TEKT5: variants seen among roughly 807,000 people sequenced by gnomAD.
TEKT5 encodes the protein tektin-5.
Under a neutral mutation model 48.7 loss-of-function variants are expected in TEKT5, and 52 were observed. The ratio of observed to expected loss-of-function variants is 1.07; its 90% CI spans 0.86 to 1.35. The LOEUF is 1.35. Ranked by LOEUF, TEKT5 falls within the 40% of genes most tolerant of loss-of-function variation. The pLI is 0.00. For synonymous variants in TEKT5, 318 were observed against 267.6 expected, an observed-to-expected ratio of 1.19 and a Z score of -1.84; for missense variants, 831 against 641.6, an observed-to-expected ratio of 1.30 and a Z score of -3.19.
chr16:10,659,521 A>G (rs1445149526), intron 5 of TEKT5, among the ~76,000 whole-genome samples: 1 of 152,120 alleles, frequency 6.6e-6, no homozygotes, highest in Non-Finnish European at 1.5e-5. Flanking sequence ...CTGGGACTAC[A>G]GGTGCCCACC....
intron 5 of TEKT5, among the ~76,000 whole-genome samples, chr16:10,654,493 T>C (rs903540223): frequency 6.6e-6 from 1 of 152,172 alleles, no homozygotes; most frequent in Non-Finnish European, 1.5e-5. Flanking sequence ...AACGTTTGAA[T>C]TGATGAACTC....
At chr16:10,649,572 C>T (rs1898121098) in intron 5 of TEKT5, among the ~76,000 whole-genome samples, 1 of 151,604 alleles carries the variant, frequency 6.6e-6, no homozygotes, top group African/African-American at 2.4e-5. Context: ...GTAGCTAGGA[C>T]TACAGACGTA....
Position 10,627,571 on chromosome 16 carries a change from C to A in TEKT5, c.*12G>T, listed in dbSNP as rs767887116. On this transcript the variant is annotated 3_prime_UTR_variant, in exon 7 of 7. Coordinates refer to ENST00000283025, the MANE Select transcript of TEKT5 (RefSeq NM_144674.2). Reference sequence around the variant, plus strand: ...TTTTACGCCAGCGCGGAATGAGGCGCCAGGGCGGTGCTCAGGTGTGGCCCA... The same window carrying A: ...TTTTACGCCAGCGCGGAATGAGGCGACAGGGCGGTGCTCAGGTGTGGCCCA... 6 of 1,613,672 alleles carry A rather than the reference C, an allele frequency of 3.7e-6. No homozygotes were observed. Among genetic ancestry groups the A allele is most frequent in the South Asian group, 2.2e-5 (2 of 91,078 alleles).
chr16:10,672,172 G>C (rs556621271), intron 5 of TEKT5, among the ~76,000 whole-genome samples: 1 of 151,956 alleles, frequency 6.6e-6, no homozygotes, highest in South Asian at 2.1e-4. Context: ...TTTATGTTAT[G>C]TGTATTTTAC....
At chr16:10,652,719 A>ACACT (rs1555465695) in intron 5 of TEKT5, among the ~76,000 whole-genome samples, 20 of 89,558 alleles carry the variant, frequency 2.2e-4, no homozygotes, top group East Asian at 7.5e-4. Context: ...ACACACACAC[A>ACACT]CACACCCTCC....
At chr16:10,663,180 A>G (rs576234861) in intron 5 of TEKT5, among the ~76,000 whole-genome samples, 1 of 152,306 alleles carries the variant, frequency 6.6e-6, no homozygotes, top group African/African-American at 2.4e-5. Context: ...TCAGTGGAAA[A>G]GTGTGCTGAT....
chr16:10,670,500 T>C (rs530713263), intron 5 of TEKT5, among the ~76,000 whole-genome samples: 98 of 152,272 alleles, frequency 6.4e-4, no homozygotes, highest in African/African-American at 1.9e-3. Flanking sequence ...GCCTGCACGA[T>C]AGAGTGAGAC....
chr16:10,693,948 T>C (rs1486816363), intron 1 of TEKT5, among the ~76,000 whole-genome samples: 2 of 152,074 alleles, frequency 1.3e-5, no homozygotes, highest in Non-Finnish European at 2.9e-5. Context: ...CCAGCTTGGG[T>C]GACAGAGGGA....
At chr16:10,631,358 C>CGGTG (rs1897838843) in intron 6 of TEKT5, among the ~76,000 whole-genome samples, 1 of 25,444 alleles carries the variant, frequency 3.9e-5, no homozygotes, top group African/African-American at 1.3e-4. Flanking sequence ...GGGGTGGGGG[C>CGGTG]GGGGGAGGGT....
intron 5 of TEKT5, among the ~76,000 whole-genome samples, chr16:10,641,053 AG>A (rs1897987170): frequency 6.6e-6 from 1 of 152,174 alleles, no homozygotes; most frequent in Non-Finnish European, 1.5e-5. Context: ...AAACTGTCAA[AG>A]TTTTCCCCCA....
Position 10,691,841 on chromosome 16 carries a change from G to A in TEKT5, c.565-1816C>T, listed in dbSNP as rs550155374. On this transcript the variant is annotated intron_variant, in intron 1 of 6. Coordinates refer to ENST00000283025, the MANE Select transcript of TEKT5 (RefSeq NM_144674.2). Reference sequence around the variant, plus strand: ...CGGGCGCCTGTAGTCCCAGCTACTCGGGACGCTGAGGCAGGAGAATGGCGT... The same window carrying A: ...CGGGCGCCTGTAGTCCCAGCTACTCAGGACGCTGAGGCAGGAGAATGGCGT... Among the ~76,000 whole-genome samples, 533 of 151,572 alleles carry A rather than the reference G, an allele frequency of 3.5e-3. 4 individuals are homozygous for A. The highest frequency in any genetic ancestry group is 0.012 in the African/African-American group (504 of 41,356).
At chr16:10,649,580 G>A (rs115466088) in intron 5 of TEKT5, among the ~76,000 whole-genome samples, 3,853 of 151,340 alleles carry the variant, frequency 0.025, 172 homozygotes, top group African/African-American at 0.089. Flanking sequence ...GACTACAGAC[G>A]TACACCACCA....
chr16:10,659,595 T>C (rs1179116021), intron 5 of TEKT5, among the ~76,000 whole-genome samples: 1 of 152,060 alleles, frequency 6.6e-6, no homozygotes, highest in African/African-American at 2.4e-5. Flanking sequence ...TAGCCTGACC[T>C]CGTGATCTGC....
rs531815821 is a variant in TEKT5, at chr16:10,688,864, C to G, written c.719+389G>C. Among the ~76,000 whole-genome samples, 51 of 152,358 alleles carry G rather than the reference C, an allele frequency of 3.3e-4. No homozygotes were observed. In the Middle Eastern group the frequency reaches 0.01, roughly 30 times the overall value. The stretch of plus-strand genomic sequence containing the variant: ...CCTAATACCACCCACCCTCTGTCAT[C>G]TCCCAAGGTTCAGAACTCAAATGGG... On this transcript the variant is annotated intron_variant, in intron 3 of 6. Transcript: ENST00000283025.
intron 5 of TEKT5, among the ~76,000 whole-genome samples, chr16:10,660,995 C>T (rs959207332): frequency 6.6e-6 from 1 of 152,106 alleles, no homozygotes; most frequent in Non-Finnish European, 1.5e-5. Flanking sequence ...CCACCGCGCC[C>T]GGCTGTGTTT....
chr16:10,689,189 A>C, intron 3 of TEKT5, 64 bp downstream of exon 3: 1 of 1,417,734 alleles, frequency 7.1e-7, no homozygotes, highest in South Asian at 1.3e-5. Context: ...CTTGTCCCCC[A>C]GAAATCTGAG....
chr16:10,630,352 C>T (rs1298823209), intron 6 of TEKT5, among the ~76,000 whole-genome samples: 1 of 152,088 alleles, frequency 6.6e-6, no homozygotes, highest in Non-Finnish European at 1.5e-5. Flanking sequence ...CCTCCTGTCT[C>T]AGCCTCCCAA....
Position 10,682,206 on chromosome 16 carries a change from G to A in TEKT5, c.720-70C>T. ...AGTACCCAGCTTGGGCCACACAGCA[G>A]GTGTGTGTTGCAAGCCCTGGACTCC... On this transcript the variant is annotated intron_variant, in intron 3 of 6. Transcript: ENST00000283025. 6 of 1,552,686 alleles carry A rather than the reference G, an allele frequency of 3.9e-6. 1 individual carries two copies. In the South Asian group the frequency reaches 7.3e-5, roughly 19 times the overall value.
intron 1 of TEKT5, chr16:10,690,858 A>G: frequency 1.1e-6 from 1 of 873,940 alleles, no homozygotes; most frequent in Non-Finnish European, 1.4e-6. Flanking sequence ...CAAGGTCTGG[A>G]TGTCAGGATG....
Sources: gnomAD v4.1 joint callset for allele counts (sites outside exome capture counted in the v4.1 genomes callset) on GRCh38, gnomAD v4.1.1 for gene constraint, MANE v1.5 for transcripts, NCBI Gene and HGNC (gene_info 2026-07-23, HGNC 2026-07-21) for gene names.